SLC24A3: variants seen among roughly 807,000 people sequenced by gnomAD.
SLC24A3 encodes the protein solute carrier family 24 member 3.
Under a neutral mutation model 75.8 loss-of-function variants are expected in SLC24A3, and 28 were observed. The observed-to-expected ratio is 0.37, with a 90% CI of 0.27 to 0.51. The LOEUF is 0.51. SLC24A3 is among the 20% of genes least tolerant of loss of function. The pLI is 0.94. For synonymous variants in SLC24A3, 372 were observed against 334.1 expected, an observed-to-expected ratio of 1.11 and a Z score of -1.24; for missense variants, 663 against 847.8, an observed-to-expected ratio of 0.78 and a Z score of 2.71.
At chr20:19,676,888 C>G (rs2032530810) in intron 9 of SLC24A3, among the ~76,000 whole-genome samples, 1 of 152,172 alleles carries the variant, frequency 6.6e-6, no homozygotes, top group African/African-American at 2.4e-5. Context: ...ACAGCAGAGC[C>G]CCCTGCCACT....
chr20:19,507,300 C>T (rs911507315), intron 2 of SLC24A3, among the ~76,000 whole-genome samples: 2 of 152,206 alleles, frequency 1.3e-5, no homozygotes, highest in Non-Finnish European at 2.9e-5. Flanking sequence ...CCAAAAATTG[C>T]TGCAAGGCAA....
At chr20:19,710,241 CTGT>C in intron 15 of SLC24A3, among the ~76,000 whole-genome samples, 1 of 152,160 alleles carries the variant, frequency 6.6e-6, no homozygotes, top group Non-Finnish European at 1.5e-5. Flanking sequence ...AGATTTTAAA[CTGT>C]AGTATTAGGG....
chr20:19,591,070 G>T (rs534245771), intron 6 of SLC24A3, among the ~76,000 whole-genome samples: 29 of 152,170 alleles, frequency 1.9e-4, no homozygotes, highest in African/African-American at 6.5e-4. Context: ...TCCTGACAGG[G>T]CCCCACACCT....
At chr20:19,549,900 C>T (rs1043876339) in intron 3 of SLC24A3, among the ~76,000 whole-genome samples, 4 of 152,204 alleles carry the variant, frequency 2.6e-5, no homozygotes. Flanking sequence ...TGATGCAGGT[C>T]ATCAAAATCT....
At chr20:19,249,132 A>G (rs1163262937) in intron 1 of SLC24A3, among the ~76,000 whole-genome samples, 1 of 152,130 alleles carries the variant, frequency 6.6e-6, no homozygotes, top group Non-Finnish European at 1.5e-5. Context: ...ATCACTTTGT[A>G]TCTCACAAAT....
At chr20:19,303,134 GGT>G (rs1471531151) in intron 2 of SLC24A3, among the ~76,000 whole-genome samples, 1 of 152,066 alleles carries the variant, frequency 6.6e-6, no homozygotes, top group East Asian at 1.9e-4. Flanking sequence ...GTACCCAATA[GGT>G]AGTTTTTCTG....
chr20:19,459,367 C>T (rs6035345), intron 2 of SLC24A3, among the ~76,000 whole-genome samples: 82,822 of 151,884 alleles, frequency 0.55, 22,863 homozygotes, highest in Non-Finnish European at 0.58. Context: ...CAGATAAAAC[C>T]GTCCAGTATA....
chr20:19,245,999 A>G (rs748217030), intron 1 of SLC24A3, among the ~76,000 whole-genome samples: 1 of 152,170 alleles, frequency 6.6e-6, no homozygotes, highest in Non-Finnish European at 1.5e-5. Context: ...ATGGACATAT[A>G]TAGAACTTTA....
intron 15 of SLC24A3, among the ~76,000 whole-genome samples, chr20:19,712,557 G>T (rs1252151865): frequency 1.3e-5 from 2 of 152,132 alleles, no homozygotes; most frequent in African/African-American, 4.8e-5. Context: ...TGTGCTTAAG[G>T]TGCTGACTAC....
chr20:19,282,420 G>A (rs760434502), intron 2 of SLC24A3, among the ~76,000 whole-genome samples: 3 of 152,250 alleles, frequency 2.0e-5, no homozygotes, highest in Non-Finnish European at 4.4e-5. Context: ...ACTTGAAAGT[G>A]AAGCAGCACA....
At chr20:19,523,148 AAACT>A (rs1445573981) in intron 3 of SLC24A3, among the ~76,000 whole-genome samples, 1 of 152,220 alleles carries the variant, frequency 6.6e-6, no homozygotes, top group Admixed American at 6.5e-5. Flanking sequence ...CACTAAAAAC[AAACT>A]ATCTTCAAAA....
intron 6 of SLC24A3, among the ~76,000 whole-genome samples, chr20:19,607,008 A>G (rs990566435): frequency 1.3e-5 from 2 of 152,202 alleles, no homozygotes; most frequent in African/African-American, 4.8e-5. Flanking sequence ...ATGTAGGCAT[A>G]GAAGAGGGTT....
intron 3 of SLC24A3, among the ~76,000 whole-genome samples, chr20:19,559,451 C>G (rs1338749741): frequency 6.6e-6 from 1 of 152,076 alleles, no homozygotes; most frequent in Non-Finnish European, 1.5e-5. Flanking sequence ...GAGCAAAGTA[C>G]TTTTATTGTT....
intron 2 of SLC24A3, among the ~76,000 whole-genome samples, chr20:19,292,506 G>A (rs531491597): frequency 2.6e-5 from 4 of 152,308 alleles, no homozygotes; most frequent in Middle Eastern, 3.4e-3. Context: ...AAGCCTCCCC[G>A]TGGAGCTTTT....
chr20:19,226,582 G>C (rs1329862509), intron 1 of SLC24A3, among the ~76,000 whole-genome samples: 1 of 152,130 alleles, frequency 6.6e-6, no homozygotes, highest in East Asian at 1.9e-4. Flanking sequence ...AATAATCACA[G>C]TATTTTTCTT....
intron 2 of SLC24A3, among the ~76,000 whole-genome samples, chr20:19,432,560 A>C (rs1170440189): frequency 2.0e-5 from 3 of 152,112 alleles, no homozygotes; most frequent in Non-Finnish European, 2.9e-5. Flanking sequence ...AGACATTCAT[A>C]AGTGGAAAAA....
At chr20:19,648,782 C>T (rs1369227350) in intron 6 of SLC24A3, among the ~76,000 whole-genome samples, 1 of 152,054 alleles carries the variant, frequency 6.6e-6, no homozygotes, top group Non-Finnish European at 1.5e-5. Flanking sequence ...CACTCTGAAA[C>T]TAAATGAAAT....
chr20:19,325,618 A>T (rs993793121), intron 2 of SLC24A3, among the ~76,000 whole-genome samples: 1 of 151,648 alleles, frequency 6.6e-6, no homozygotes, highest in African/African-American at 2.4e-5. Context: ...TAGGATGTCC[A>T]GGTTGAGTGT....
intron 2 of SLC24A3, among the ~76,000 whole-genome samples, chr20:19,402,995 G>A (rs1986579941): frequency 6.6e-6 from 1 of 152,164 alleles, no homozygotes; most frequent in Non-Finnish European, 1.5e-5. Flanking sequence ...TTTAATCACT[G>A]TAATTATAAT....
Sources: allele counts gnomAD v4.1 joint callset (sites outside exome capture counted in the v4.1 genomes callset), GRCh38; gene constraint gnomAD v4.1.1; transcripts MANE v1.5; gene names NCBI Gene and HGNC (gene_info 2026-07-23, HGNC 2026-07-21).